Variants in CTSC observed in about 807,000 individuals in gnomAD.
CTSC encodes the protein cathepsin C, also known as dipeptidyl peptidase 1.
CTSC carries 37 observed loss-of-function variants against 40.9 expected under a neutral mutation model. That is an observed-to-expected ratio of 0.91 (90% confidence interval 0.70 to 1.19). The LOEUF is 1.19. Ranked by LOEUF, CTSC falls within the 50% of genes most tolerant of loss-of-function variation. The probability of loss-of-function intolerance (pLI) is 0.00; values close to 1 mark genes in which losing one functional copy is unlikely to be tolerated. For synonymous variants in CTSC, 232 were observed against 207.4 expected, an observed-to-expected ratio of 1.12 and a Z score of -1.02; for missense variants, 594 against 567.3, an observed-to-expected ratio of 1.05 and a Z score of -0.48.
chr11:88,298,368 G>A (rs1944320773), intron 5 of CTSC: 1 of 152,064 alleles, frequency 6.6e-6, no homozygotes, highest in African/African-American at 2.4e-5. Flanking sequence ...AATAAATCTA[G>A]GTATAAGGCT....
rs1944268120 is a variant in CTSC at position 88,293,877 on chromosome 11, A to G, written c.*129T>C. ...AAAATTAAGGGCAGTTTTAATTCTG[A>G]AGACAAATATCTTCATGGAAATCTA... On this transcript the variant is annotated 3_prime_UTR_variant, in exon 7 of 7. Coordinates refer to ENST00000227266, the MANE Select transcript of CTSC (RefSeq NM_001814.6). 6 of 1,165,974 alleles carry G rather than the reference A, an allele frequency of 5.1e-6. No individual in the cohort carries two copies. In the South Asian group the frequency reaches 6.3e-5, roughly 12 times the overall value. The allele number at this position is 1,165,974 out of a possible 1,614,324, so 72.2% of individuals were successfully genotyped here.
At chr11:88,298,867 C>T (rs1480907424) in intron 5 of CTSC, 2 of 152,124 alleles carry the variant, frequency 1.3e-5, no homozygotes, top group East Asian at 3.9e-4. Context: ...GTCGAATTTC[C>T]TTTCCCTGAA....
intron 3 of CTSC, among the ~76,000 whole-genome samples, chr11:88,310,146 A>G (rs1056626819): frequency 2.0e-5 from 3 of 151,270 alleles, no homozygotes; most frequent in Non-Finnish European, 2.9e-5. Flanking sequence ...GCATACTGTA[A>G]GTACTCAGCC....
In CTSC at chr11:88,312,567, A is replaced by G; in HGVS notation, c.319-13T>C. On this transcript the variant is annotated splice_polypyrimidine_tract_variant and intron_variant, in intron 2 of 6. Transcript: ENST00000227266. ...CCTCTTCTTTATACTGCAAACAAAT[A>G]AGAGAAAAGAAAACCAAGTAAAATC... The G allele has an allele frequency of 6.2e-7, 1 of 1,614,004 alleles. No individual in the cohort carries two copies. The highest frequency in any genetic ancestry group is 8.5e-7 in the Non-Finnish European group (1 of 1,180,008).
intron 2 of CTSC, among the ~76,000 whole-genome samples, chr11:88,317,868 T>A (rs1030054874): frequency 1.6e-4 from 24 of 152,234 alleles, no homozygotes; most frequent in Non-Finnish European, 7.3e-5. Context: ...AATATGAAGA[T>A]CAAGCCCTAG....
rs757600971 is a variant in CTSC, at chr11:88,294,303, G to A, written c.1095C>T (p.Val365=). The part of the protein sequence containing the change: ...CNEALMKLEL[V]HHGPMAVAFE... Reference sequence around the variant, plus strand: ...AAGCAACTGCCATGGGCCCATGATGGACCAACTCAAGCTTCATCAGGGCTT... The same window carrying A: ...AAGCAACTGCCATGGGCCCATGATGAACCAACTCAAGCTTCATCAGGGCTT... The change falls in exon 7 of 7, where the codon GTC becomes GTT. Residue 365 remains valine, a synonymous_variant. Coordinates refer to ENST00000227266, the MANE Select transcript of CTSC (RefSeq NM_001814.6). 1.9e-6 allele frequency: 3 copies of A among 1,614,078 alleles called. No individual in the cohort carries two copies. In the Admixed American group the frequency reaches 5.0e-5, roughly 27 times the overall value.
In CTSC at chr11:88,294,204, G is replaced by T. The variant is rs201519830; in HGVS notation, c.1194C>A (p.Asn398Lys). ...CAGCATGATTAGTCAGCTCAAAGGG[G>T]TTGAAAGGGTCTCTTAGACCAGTGT... ...YHHTGLRDPF[N>K]PFELTNHAVL... is the part of the protein sequence containing the mutation. The change falls in exon 7 of 7, where the codon AAC becomes AAA. Residue 398 changes from asparagine (N) to lysine (K), a missense_variant. Physicochemically the swap from Asn to Lys is moderately conservative, Grantham distance 94. Coordinates refer to ENST00000227266, the MANE Select transcript of CTSC (RefSeq NM_001814.6). The T allele has an allele frequency of 1.0e-4, 165 of 1,613,856 alleles. No homozygotes were observed. Among genetic ancestry groups the T allele is most frequent in the Admixed American group, 1.7e-4 (10 of 59,942 alleles).
intron 4 of CTSC, among the ~76,000 whole-genome samples, chr11:88,308,323 C>A (rs912049814): frequency 1.2e-4 from 18 of 151,756 alleles, no homozygotes; most frequent in African/African-American, 4.3e-4. Context: ...CCAGCTAAGG[C>A]GCAGACTTGA....
intron 2 of CTSC, among the ~76,000 whole-genome samples, chr11:88,315,748 T>G (rs551578946): frequency 6.7e-6 from 1 of 148,760 alleles, no homozygotes; most frequent in South Asian, 2.2e-4. Flanking sequence ...CACTTCTTCC[T>G]ACAATTTGTC....
At chr11:88,327,440 T>G (rs1212624924) in intron 2 of CTSC, among the ~76,000 whole-genome samples, 5 of 152,132 alleles carry the variant, frequency 3.3e-5, no homozygotes, top group African/African-American at 1.2e-4. Flanking sequence ...TAAGTCTCTA[T>G]TAATTTTACT....
intron 2 of CTSC, chr11:88,327,872 T>C (rs1297340922): frequency 3.8e-6 from 2 of 526,294 alleles, no homozygotes; most frequent in Non-Finnish European, 6.8e-6. Context: ...GTAGCATTCT[T>C]GGGAGAGCTG....
Position 88,334,929 on chromosome 11 carries a change from AAACT to A in CTSC, c.318+4_318+7del, listed in dbSNP as rs1182098364. 3 of 1,604,106 alleles carry A rather than the reference AAACT, an allele frequency of 1.9e-6. No homozygotes were observed. Among genetic ancestry groups the A allele is most frequent in the Non-Finnish European group, 2.6e-6 (3 of 1,171,054 alleles). ...GAAAATGTAAATCCAACTTCCAACAAAACTAACCTTAAAAAAGGCAAACCACTTG... is the reference window on the plus strand; with the variant it reads ...GAAAATGTAAATCCAACTTCCAACAAAACCTTAAAAAAGGCAAACCACTTG... On this transcript the variant is annotated splice_donor_5th_base_variant and intron_variant, in intron 2 of 6. Transcript: ENST00000227266.
intron 4 of CTSC, among the ~76,000 whole-genome samples, chr11:88,307,228 T>C (rs1591226642): frequency 6.6e-6 from 1 of 152,318 alleles, no homozygotes; most frequent in East Asian, 1.9e-4. Flanking sequence ...AACCTACCTA[T>C]ATAATTTTTC....
chr11:88,305,605 T>G (rs1198966544), intron 4 of CTSC, among the ~76,000 whole-genome samples: 2 of 152,230 alleles, frequency 1.3e-5, no homozygotes, highest in South Asian at 4.1e-4. Flanking sequence ...TTAAGAATCT[T>G]TGAGAGTTTC....
At chr11:88,326,153 ATTT>A (rs368047543) in intron 2 of CTSC, 8 of 1,304,254 alleles carry the variant, frequency 6.1e-6, no homozygotes, top group Non-Finnish European at 7.8e-6. Context: ...CATCTTCAGA[ATTT>A]TTTTTTCCTT....
intron 2 of CTSC, chr11:88,323,764 G>T (rs1938098304): frequency 6.6e-6 from 1 of 152,074 alleles, no homozygotes; most frequent in Non-Finnish European, 1.5e-5. Flanking sequence ...AAATGAGAGA[G>T]GACACAAACG....
intron 1 of CTSC, among the ~76,000 whole-genome samples, chr11:88,336,271 T>G (rs1409315520): frequency 1.4e-5 from 2 of 146,024 alleles, no homozygotes; most frequent in Non-Finnish European, 3.0e-5. Flanking sequence ...CCAGGCGTGG[T>G]GACTCCCGCC....
intron 1 of CTSC, among the ~76,000 whole-genome samples, chr11:88,336,839 C>G (rs1234523667): frequency 6.6e-6 from 1 of 152,188 alleles, no homozygotes; most frequent in Non-Finnish European, 1.5e-5. Context: ...TGTTCAAACA[C>G]TAGGTATTTA....
chr11:88,294,164 A>T lies in CTSC; in HGVS notation c.1234T>A (p.Tyr412Asn). 1 of 1,613,938 alleles carries T rather than the reference A, an allele frequency of 6.2e-7. No homozygotes were observed. Among genetic ancestry groups the T allele is most frequent in the South Asian group, 1.1e-5 (1 of 91,072 alleles). The change falls in exon 7 of 7, where the codon TAT (tyrosine) becomes AAT (asparagine). Residue 412 changes from tyrosine (Y) to asparagine (N), a missense_variant. Transcript: ENST00000227266. ...LTNHAVLLVG[Y>N]GTDSASGMDY... The stretch of plus-strand genomic sequence containing the variant: ...ATCCCAGAGGCTGAGTCAGTGCCAT[A>T]GCCCACAAGCAGAACAGCATGATTA...
Sources: allele counts gnomAD v4.1 joint callset (sites outside exome capture counted in the v4.1 genomes callset), GRCh38; gene constraint gnomAD v4.1.1; transcripts MANE v1.5; gene names NCBI Gene and HGNC (gene_info 2026-07-23, HGNC 2026-07-21).